The following CRACDL variants were observed in gnomAD, a reference collection of about 807,000 sequenced individuals.
The protein encoded by CRACDL is CRACD like.
In CRACDL, 26 loss-of-function variants were observed where a neutral mutation model predicts 70.6. That is an observed-to-expected ratio of 0.37 (90% CI 0.27 to 0.51). The LOEUF is 0.51. Among genes scored for constraint, CRACDL ranks in the 20% least tolerant of loss-of-function variants. CRACDL has a pLI of 0.94. For missense variants in CRACDL, 1,283 were observed against 1,376.9 expected, an observed-to-expected ratio of 0.93 and a Z score of 1.08; for synonymous variants, 618 against 615.2, an observed-to-expected ratio of 1.00 and a Z score of -0.07.
chr2:98,846,770 G>A lies in CRACDL; in HGVS notation c.31C>T (p.Leu11Phe). The A allele has an allele frequency of 1.9e-6, 3 of 1,614,184 alleles. No individual in the cohort carries two copies. The highest frequency in any genetic ancestry group is 2.2e-5 in the South Asian group (2 of 91,078). The change falls in exon 2 of 10, where the codon CTT (leucine) becomes TTT (phenylalanine). Residue 11 changes from leucine to phenylalanine, a missense_variant. Physicochemically the swap from Leu to Phe is conservative, Grantham distance 22. Coordinates refer to ENST00000397899, the MANE Select transcript of CRACDL (RefSeq NM_207362.3). MISTRVMDIKLREAAEGLGED... is the reference protein window; with the variant it reads MISTRVMDIKFREAAEGLGED... ...CCAAGGCCTTCTGCAGCCTCCCGAAGCTTAATGTCCATCACCCTTGTGGAA... is the reference window on the plus strand; with the variant it reads ...CCAAGGCCTTCTGCAGCCTCCCGAAACTTAATGTCCATCACCCTTGTGGAA...
chr2:98,796,735 T>C (rs1703838723), intron 8 of CRACDL, among the ~76,000 whole-genome samples: 2 of 152,204 alleles, frequency 1.3e-5, no homozygotes, highest in African/African-American at 4.8e-5. Flanking sequence ...CTTCCCCACA[T>C]GGCTGAAACA....
chr2:98,822,617 G>C lies in CRACDL; in HGVS notation c.1656C>G (p.Ala552=). Reference sequence around the variant, plus strand: ...CCTTCCGCTCTGGCGCCGCCCTCTCGGCGCCCGCCGGTGGCGCCTCGGCTC... The same window carrying C: ...CCTTCCGCTCTGGCGCCGCCCTCTCCGCGCCCGCCGGTGGCGCCTCGGCTC... ...AERAEAPPAG[A]ERAAPERKAE... is the part of the protein sequence containing the mutation. Residue 552 remains alanine (A), a synonymous_variant, in exon 7 of 10, where the codon GCC becomes GCG. Coordinates refer to ENST00000397899, the MANE Select transcript of CRACDL (RefSeq NM_207362.3). This position sits in a 1 kb window ranked among gnomAD's most constrained non-coding sequence, Gnocchi z 4.9. 1.5e-6 allele frequency: 2 copies of C among 1,371,438 alleles called. No homozygotes were observed. Among genetic ancestry groups the C allele is most frequent in the Non-Finnish European group, 1.9e-6 (2 of 1,071,530 alleles). The allele number at this position is 1,371,438 out of a possible 1,614,324, so 85.0% of individuals were successfully genotyped here.
intron 1 of CRACDL, among the ~76,000 whole-genome samples, chr2:98,926,877 C>G (rs1435331489): frequency 6.6e-6 from 1 of 152,204 alleles, no homozygotes; most frequent in Non-Finnish European, 1.5e-5. Flanking sequence ...GCAGAGAGAG[C>G]GAAGATTCTC....
At chr2:98,929,341 G>A (rs1012972073) in intron 1 of CRACDL, among the ~76,000 whole-genome samples, 2 of 152,192 alleles carry the variant, frequency 1.3e-5, no homozygotes, top group East Asian at 3.9e-4. Flanking sequence ...TGTGGCCCCT[G>A]TGCCCACCGC....
At chr2:98,895,756 G>A (rs111574027) in intron 1 of CRACDL, among the ~76,000 whole-genome samples, 2 of 152,134 alleles carry the variant, frequency 1.3e-5, no homozygotes, top group East Asian at 3.9e-4. Flanking sequence ...GGGTTGCTAT[G>A]GTCTGAATGT....
intron 1 of CRACDL, among the ~76,000 whole-genome samples, chr2:98,898,816 T>G (rs980265709): frequency 3.3e-5 from 5 of 152,238 alleles, no homozygotes; most frequent in Non-Finnish European, 7.3e-5. Context: ...TGACCTGTTC[T>G]CATGCCTAGA....
chr2:98,817,540 G>A (rs1704833853), intron 7 of CRACDL, among the ~76,000 whole-genome samples: 1 of 152,128 alleles, frequency 6.6e-6, no homozygotes, highest in South Asian at 2.1e-4. Context: ...AAATGGCTGT[G>A]ACATACAAAG....
intron 7 of CRACDL, among the ~76,000 whole-genome samples, chr2:98,799,996 C>T (rs1015462446): frequency 1.3e-5 from 2 of 152,228 alleles, no homozygotes; most frequent in African/African-American, 4.8e-5. Flanking sequence ...TACTCCTGAT[C>T]CAACAGGCAG....
At position 98,797,361 on chromosome 2, in the gene CRACDL, C is replaced by T. The variant is rs775019973; in HGVS notation, c.2593G>A (p.Glu865Lys). Reference sequence around the variant, plus strand: ...TTTGCTCTAAGCACCTGGCCTCTCTCGGGCACCTTGGCTTGCTTTCCTGGT... The same window carrying T: ...TTTGCTCTAAGCACCTGGCCTCTCTTGGGCACCTTGGCTTGCTTTCCTGGT... ...SEPGKQAKVP[E>K]RGQEPVKQAD... Residue 865 changes from glutamate (E) to lysine (K), a missense_variant, in exon 8 of 10, where the codon GAG (glutamate) becomes AAG (lysine). Glu to Lys is a moderately conservative substitution (Grantham distance 56). This residue lies in a region of CRACDL where 921 missense variants were observed against 881.9 expected (regional missense o/e 1.04). Coordinates refer to ENST00000397899, the MANE Select transcript of CRACDL (RefSeq NM_207362.3). 29 of 1,614,030 alleles carry T rather than the reference C, an allele frequency of 1.8e-5. No homozygotes were observed. The highest frequency in any genetic ancestry group is 1.1e-4 in the East Asian group (5 of 44,884).
intron 7 of CRACDL, among the ~76,000 whole-genome samples, chr2:98,808,155 TGTC>T (rs371642217): frequency 6.0e-4 from 92 of 152,340 alleles, no homozygotes; most frequent in African/African-American, 2.0e-3. Context: ...CCACTCCAAG[TGTC>T]GTCCACGGAC....
intron 7 of CRACDL, among the ~76,000 whole-genome samples, chr2:98,808,127 C>T (rs374891387): frequency 6.6e-6 from 1 of 152,304 alleles, no homozygotes; most frequent in East Asian, 1.9e-4. Flanking sequence ...TGTTAGAGAG[C>T]GCAGACCTGG....
chr2:98,904,176 C>G (rs1465030669), intron 1 of CRACDL, among the ~76,000 whole-genome samples: 1 of 152,134 alleles, frequency 6.6e-6, no homozygotes, highest in South Asian at 2.1e-4. Flanking sequence ...ACAGTGTGAT[C>G]GAGGGGCCCA....
chr2:98,811,366 G>T (rs546490927), intron 7 of CRACDL, among the ~76,000 whole-genome samples: 2 of 151,688 alleles, frequency 1.3e-5, no homozygotes, highest in African/African-American at 4.8e-5. Context: ...AAAAAAATTA[G>T]CTAGGCATGG....
chr2:98,918,853 G>A (rs1271849949), intron 1 of CRACDL, among the ~76,000 whole-genome samples: 2 of 152,132 alleles, frequency 1.3e-5, no homozygotes, highest in Non-Finnish European at 2.9e-5. Context: ...TGGATACATA[G>A]TTTGTAAATA....
intron 6 of CRACDL, among the ~76,000 whole-genome samples, chr2:98,824,382 C>G (rs1357498257): frequency 2.0e-5 from 3 of 150,920 alleles, no homozygotes; most frequent in African/African-American, 7.3e-5. Flanking sequence ...CCCCCCTTCT[C>G]TGGCCTCCTG....
intron 2 of CRACDL, 59 bp from the exon 3 acceptor site, chr2:98,838,346 A>C (rs1705883823): frequency 5.2e-6 from 5 of 964,690 alleles, no homozygotes; most frequent in African/African-American, 1.7e-5. Flanking sequence ...GTTTATGTGC[A>C]TGTATGCAAC....
intron 7 of CRACDL, among the ~76,000 whole-genome samples, chr2:98,798,297 A>G (rs1168811812): frequency 6.6e-6 from 1 of 152,056 alleles, no homozygotes; most frequent in African/African-American, 2.4e-5. Context: ...GTGAGCTGAG[A>G]TCACGCCATT....
Position 98,899,892 on chromosome 2 carries a change from G to T in CRACDL, c.-11+36046C>A, listed in dbSNP as rs539918673. Among the ~76,000 whole-genome samples, 7 of 144,528 alleles carry T rather than the reference G, an allele frequency of 4.8e-5. 1 individual carries two copies. In the East Asian group the frequency reaches 1.5e-3, roughly 31 times the overall value. 94.8% of individuals were successfully genotyped at this position (144,528 alleles called of 152,430 possible). A position where few individuals can be genotyped will look rare whatever the true frequency, so the allele number is the denominator to read the frequency against. On this transcript the variant is annotated intron_variant, in intron 1 of 9. Coordinates refer to ENST00000397899, the MANE Select transcript of CRACDL (RefSeq NM_207362.3). ...GGCTCAGTGGGAGGGGAGGCAGATG[G>T]ACAGAGGCTCAGCAGGAGGGGAGGC...
chr2:98,916,381 G>A (rs1708666413), intron 1 of CRACDL, among the ~76,000 whole-genome samples: 1 of 152,220 alleles, frequency 6.6e-6, no homozygotes, highest in East Asian at 1.9e-4. Flanking sequence ...TTTTGGGGAA[G>A]ATGGGTACGT....
Sources: allele counts gnomAD v4.1 joint callset (sites outside exome capture counted in the v4.1 genomes callset), GRCh38; gene constraint gnomAD v4.1.1; regional missense constraint gnomAD v4.1.1; non-coding constraint Gnocchi (gnomAD v3.1); transcripts MANE v1.5; gene names NCBI Gene and HGNC (gene_info 2026-07-23, HGNC 2026-07-21).